The following C4orf17 variants were observed in gnomAD, a reference collection of about 807,000 sequenced individuals.
The protein encoded by C4orf17 is uncharacterized protein C4orf17.
C4orf17 carries 25 observed loss-of-function variants against 32.0 expected under a neutral mutation model. That is an observed-to-expected ratio of 0.78 (90% CI 0.57 to 1.09). The LOEUF is 1.09. Ranked by LOEUF, C4orf17 falls within the 50% of genes least tolerant of loss-of-function variation. The probability of loss-of-function intolerance (pLI) is 0.00; values close to 1 mark genes in which losing one functional copy is unlikely to be tolerated. For synonymous variants in C4orf17, 149 were observed against 145.8 expected (o/e 1.02, Z -0.16); for missense variants, 420 against 420.0 (o/e 1.00, Z 0.00).
chr4:99,512,994 G>C lies in C4orf17; in HGVS notation c.-88G>C. On this transcript the variant is annotated 5_prime_UTR_variant, in exon 2 of 9. Coordinates refer to ENST00000326581, the MANE Select transcript of C4orf17 (RefSeq NM_032149.3). ...TTGTCATTTTGTGATTTCAGGGTCT[G>C]AGCACATCTGGAAGTGAGGTCAATC... 7.1e-7 allele frequency: 1 copy of C among 1,403,412 alleles called. No individual in the cohort carries two copies. Among genetic ancestry groups the C allele is most frequent in the South Asian group, 1.2e-5 (1 of 82,044 alleles). 86.9% of individuals were successfully genotyped at this position (1,403,412 alleles called of 1,614,324 possible).
chr4:99,511,225 A>G lies in C4orf17; in HGVS notation c.-141A>G, dbSNP rs942121134. 6.6e-6 allele frequency: 1 copy of G among 152,244 alleles called. No homozygotes were observed. The highest frequency in any genetic ancestry group is 2.4e-5 in the African/African-American group (1 of 41,560). The allele number at this position is 152,244 out of a possible 1,614,324, so 9.4% of individuals were successfully genotyped here. On this transcript the variant is annotated 5_prime_UTR_variant, in exon 1 of 9. Transcript: ENST00000326581. Reference sequence around the variant, plus strand: ...TATGAGGCTGGGAGGGTATCAACAGACTTGAGTTCTTGTCAGCAAGATCAC... The same window carrying G: ...TATGAGGCTGGGAGGGTATCAACAGGCTTGAGTTCTTGTCAGCAAGATCAC...
rs1723306418 is a variant in C4orf17 at position 99,522,521 on chromosome 4, G to A, written c.149G>A (p.Cys50Tyr). 3 of 1,613,538 alleles carry A rather than the reference G, an allele frequency of 1.9e-6. No homozygotes were observed. The highest frequency in any genetic ancestry group is 4.5e-5 in the East Asian group (2 of 44,858). ...HIKGLNNIPI[C>Y]TVNDDENAFG... ...CTAGGCTTGAATAACATTCCAATCT[G>A]TACTGTGAATGATGATGAGAATGCA... The change falls in exon 3 of 9, where the codon TGT (cysteine) becomes TAT (tyrosine). Residue 50 changes from cysteine (C) to tyrosine (Y), a missense_variant. Coordinates refer to ENST00000326581, the MANE Select transcript of C4orf17 (RefSeq NM_032149.3).
chr4:99,522,460 T>C (rs569590107), intron 2 of C4orf17, 40 bp from the exon 3 acceptor site: 1 of 1,478,304 alleles, frequency 6.8e-7, no homozygotes, highest in Non-Finnish European at 9.4e-7. Flanking sequence ...TCTAATCTGG[T>C]TGCTTGATCT....
intron 2 of C4orf17, 87 bp downstream of exon 2, chr4:99,513,295 A>T: frequency 6.7e-7 from 1 of 1,501,158 alleles, no homozygotes; most frequent in Non-Finnish European, 9.2e-7. Context: ...CAACGCTGCT[A>T]TTCAAAATAT....
chr4:99,539,034 C>G, intron 6 of C4orf17, 129 bp from the exon 7 acceptor site: 1 of 853,818 alleles, frequency 1.2e-6, no homozygotes, highest in Non-Finnish European at 1.9e-6. Flanking sequence ...TCCTTACTCC[C>G]ACATAGGTAA....
At position 99,518,542 on chromosome 4, in the gene C4orf17, TATAG is replaced by T. The variant is rs1385775543; in HGVS notation, c.128-3956_128-3953del. Among the ~76,000 whole-genome samples, 142 of 60,126 alleles carry T rather than the reference TATAG, an allele frequency of 2.4e-3. 1 individual carries two copies. The highest frequency in any genetic ancestry group is 3.5e-3 in the African/African-American group (38 of 10,788). The allele number at this position is 60,126 out of a possible 152,430, so 39.4% of individuals were successfully genotyped here. A position where few individuals can be genotyped will look rare whatever the true frequency, so the allele number is the denominator to read the frequency against. On this transcript the variant is annotated intron_variant, in intron 2 of 8. Transcript: ENST00000326581. ...AAATATATATATATATATATATATA[TATAG>T]AGAGAGAGAGAGAGAGAGAGAGAGA...
At chr4:99,536,366 A>C (rs1560591061) in intron 5 of C4orf17, among the ~76,000 whole-genome samples, 1 of 152,186 alleles carries the variant, frequency 6.6e-6, no homozygotes. Context: ...CCTCTCCCCC[A>C]AGGGGCTCTG....
intron 2 of C4orf17, among the ~76,000 whole-genome samples, chr4:99,516,396 T>C (rs2851025): frequency 0.41 from 61,672 of 152,092 alleles, 15,372 homozygotes; most frequent in Non-Finnish European, 0.55. Context: ...GGAGTAGAGA[T>C]GCACATTGGG....
At position 99,522,726 on chromosome 4, in the gene C4orf17, C is replaced by T; in HGVS notation, c.337+17C>T. The T allele has an allele frequency of 6.2e-7, 1 of 1,600,328 alleles. No homozygotes were observed. Among genetic ancestry groups the T allele is most frequent in the South Asian group, 1.1e-5 (1 of 90,336 alleles). ...CTCATTCTGGTGAGTTGAGTTAGAA[C>T]TGATGAAATGTTTCCTTATGCCTCC... On this transcript the variant is annotated intron_variant, in intron 3 of 8. Coordinates refer to ENST00000326581, the MANE Select transcript of C4orf17 (RefSeq NM_032149.3).
chr4:99,535,920 G>A (rs1314365316), intron 5 of C4orf17: 1 of 447,998 alleles, frequency 2.2e-6, no homozygotes, highest in Non-Finnish European at 4.5e-6. Context: ...GGATTTTTGT[G>A]GCATCTTTGT....
At chr4:99,538,874 C>T (rs1406268811) in intron 6 of C4orf17, among the ~76,000 whole-genome samples, 1 of 152,192 alleles carries the variant, frequency 6.6e-6, no homozygotes. Context: ...TTGGCAGCAG[C>T]CTGTAAGACT....
chr4:99,532,005 G>C (rs1363131894), intron 5 of C4orf17, among the ~76,000 whole-genome samples: 1 of 152,072 alleles, frequency 6.6e-6, no homozygotes, highest in Non-Finnish European at 1.5e-5. Flanking sequence ...ACATAATTCC[G>C]TGTCTATTAG....
intron 2 of C4orf17, 39 bp downstream of exon 2, chr4:99,513,247 C>G: frequency 6.2e-7 from 1 of 1,609,748 alleles, no homozygotes; most frequent in Non-Finnish European, 8.5e-7. Flanking sequence ...TCTCTATTCT[C>G]TACACTTGGG....
intron 3 of C4orf17, among the ~76,000 whole-genome samples, chr4:99,524,096 C>T (rs1723344473): frequency 6.6e-6 from 1 of 151,174 alleles, no homozygotes; most frequent in African/African-American, 2.4e-5. Context: ...TCTCCTGCCT[C>T]AGCCTCCCAA....
intron 2 of C4orf17, among the ~76,000 whole-genome samples, chr4:99,516,157 C>A (rs1723177204): frequency 6.6e-6 from 1 of 152,166 alleles, no homozygotes; most frequent in Admixed American, 6.5e-5. Flanking sequence ...TATTCAATTT[C>A]AAACATATAA....
At chr4:99,520,080 C>A (rs1723257938) in intron 2 of C4orf17, among the ~76,000 whole-genome samples, 2 of 147,690 alleles carry the variant, frequency 1.4e-5, no homozygotes, top group Admixed American at 7.2e-5. Flanking sequence ...ACCCCAAAAC[C>A]CACATTTAAT....
chr4:99,525,075 T>C (rs1723363527), intron 4 of C4orf17, among the ~76,000 whole-genome samples: 1 of 152,232 alleles, frequency 6.6e-6, no homozygotes, highest in South Asian at 2.1e-4. Context: ...AATGTGTTGA[T>C]CTATTTACCT....
At chr4:99,522,350 T>A (rs1166983846) in intron 2 of C4orf17, 150 bp from the exon 3 acceptor site, 3 of 642,410 alleles carry the variant, frequency 4.7e-6, no homozygotes, top group Non-Finnish European at 7.9e-6. Flanking sequence ...TAATACAATT[T>A]TTTTTTTTGG....
At chr4:99,518,736 T>C (rs1217357398) in intron 2 of C4orf17, among the ~76,000 whole-genome samples, 4 of 149,482 alleles carry the variant, frequency 2.7e-5, no homozygotes, top group Admixed American at 1.3e-4. Flanking sequence ...TCCCCCATTA[T>C]GCATATGCCA....
Sources: gnomAD v4.1 joint callset for allele counts (sites outside exome capture counted in the v4.1 genomes callset) on GRCh38, gnomAD v4.1.1 for gene constraint, MANE v1.5 for transcripts, NCBI Gene and HGNC (gene_info 2026-07-23, HGNC 2026-07-21) for gene names.